Variants in RASGEF1B observed in about 807,000 individuals in gnomAD.
RASGEF1B encodes ras-GEF domain-containing family member 1B.
Under a neutral mutation model 65.7 loss-of-function variants are expected in RASGEF1B, and 30 were observed. That is an observed-to-expected ratio of 0.46 (90% CI 0.34 to 0.62). RASGEF1B has a LOEUF of 0.62. RASGEF1B is among the 20% of genes least tolerant of loss of function. The pLI, the probability that RASGEF1B is intolerant of heterozygous loss-of-function variation, is 0.01. For synonymous variants in RASGEF1B, 175 were observed against 194.8 expected (o/e 0.90, Z 0.85); for missense variants, 495 against 580.1 (o/e 0.85, Z 1.51).
intron 11 of RASGEF1B, among the ~76,000 whole-genome samples, 191 bp downstream of exon 11, chr4:81,434,448 A>G (rs1276024823): frequency 6.6e-6 from 1 of 152,194 alleles, no homozygotes; most frequent in Non-Finnish European, 1.5e-5. Context: ...AGATAGTAAT[A>G]ATCATCATCA....
At chr4:81,470,504 T>C (rs1470560268) in intron 1 of RASGEF1B, among the ~76,000 whole-genome samples, 1 of 152,118 alleles carries the variant, frequency 6.6e-6, no homozygotes, top group East Asian at 1.9e-4. Flanking sequence ...ATCCCTAGAC[T>C]CTTCCCCTTT....
At chr4:81,431,462 C>A (rs1721427079) in intron 13 of RASGEF1B, among the ~76,000 whole-genome samples, 2 of 151,934 alleles carry the variant, frequency 1.3e-5, no homozygotes, top group Admixed American at 6.6e-5. Context: ...ATACCTTATC[C>A]CTCATCACTG....
At chr4:81,442,228 A>T in intron 9 of RASGEF1B, 69 bp downstream of exon 9, 1 of 1,011,672 alleles carries the variant, frequency 9.9e-7, no homozygotes, top group South Asian at 1.3e-5. Context: ...GAGAGGCAAG[A>T]CCACATAAAG....
At chr4:81,461,159 G>A (rs1722629782) in intron 1 of RASGEF1B, among the ~76,000 whole-genome samples, 1 of 152,178 alleles carries the variant, frequency 6.6e-6, no homozygotes, top group Non-Finnish European at 1.5e-5. Context: ...AGGTTTCTAT[G>A]AGTACTACTC....
intron 1 of RASGEF1B, among the ~76,000 whole-genome samples, chr4:81,465,294 G>GTTCA (rs1261563542): frequency 6.6e-6 from 1 of 152,162 alleles, no homozygotes; most frequent in African/African-American, 2.4e-5. Context: ...ACAGACTCTG[G>GTTCA]TTTTAAAACA....
intron 1 of RASGEF1B, among the ~76,000 whole-genome samples, chr4:81,462,016 ACTT>A (rs1722664075): frequency 6.6e-6 from 1 of 152,196 alleles, no homozygotes; most frequent in South Asian, 2.1e-4. Flanking sequence ...AAGTATTTGC[ACTT>A]CTTAATTATT....
Position 81,434,622 on chromosome 4 carries a change from T to A in RASGEF1B, c.1200+17A>T, listed in dbSNP as rs759608429. On this transcript the variant is annotated intron_variant, in intron 11 of 13. Coordinates refer to ENST00000264400, the MANE Select transcript of RASGEF1B (RefSeq NM_152545.3). ...TCCTTGTGCTTGGATTTTTGTATCC[T>A]ACTTTATCACACTCACCTCAAAATT... The A allele has an allele frequency of 8.1e-6, 12 of 1,484,452 alleles. No homozygotes were observed. Among genetic ancestry groups the A allele is most frequent in the African/African-American group, 1.4e-5 (1 of 72,378 alleles). The allele number at this position is 1,484,452 out of a possible 1,614,324, so 92.0% of individuals were successfully genotyped here.
intron 2 of RASGEF1B, chr4:81,459,084 G>A (rs1722550993): frequency 5.6e-6 from 2 of 359,072 alleles, no homozygotes; most frequent in South Asian, 1.7e-4. Context: ...ACTTCATTTA[G>A]ATGGTATCAG....
intron 1 of RASGEF1B, among the ~76,000 whole-genome samples, chr4:81,466,813 A>G (rs560756107): frequency 6.7e-6 from 1 of 150,208 alleles, no homozygotes; most frequent in East Asian, 1.9e-4. Flanking sequence ...AAAGAAAGAA[A>G]GAAAGAAAGA....
At chr4:81,445,363 T>C (rs1052983315) in intron 8 of RASGEF1B, among the ~76,000 whole-genome samples, 163 bp downstream of exon 8, 1 of 152,222 alleles carries the variant, frequency 6.6e-6, no homozygotes, top group Admixed American at 6.5e-5. Context: ...ACACACATAC[T>C]TGCACTCATT....
chr4:81,468,436 T>C (rs534637938), intron 1 of RASGEF1B, among the ~76,000 whole-genome samples: 1 of 152,298 alleles, frequency 6.6e-6, no homozygotes, highest in East Asian at 1.9e-4. Context: ...CAGGGTTTCC[T>C]AATAAAGTTT....
rs562156239 is a variant in RASGEF1B at position 81,466,676 on chromosome 4, T to G, written c.-7+5094A>C. Among the ~76,000 whole-genome samples the G allele has an allele frequency of 2.0e-3, 305 of 150,066 alleles. 1 individual carries two copies. In the Middle Eastern group the frequency reaches 0.028, roughly 14 times the overall value. ...GGGGAGGCTGAGGCAGGAGAATTGTTTGAACCTGGAAGACAGAGGTTGCAG... is the reference window on the plus strand; with the variant it reads ...GGGGAGGCTGAGGCAGGAGAATTGTGTGAACCTGGAAGACAGAGGTTGCAG... On this transcript the variant is annotated intron_variant, in intron 1 of 13. Transcript: ENST00000264400.
At position 81,448,054 on chromosome 4, in the gene RASGEF1B, T is replaced by G; in HGVS notation, c.654+15A>C. ...AATCTGTGGTTGTAAAGGGCAATGA[T>G]GATAACGGCCTTACCAGCTCTATAT... is the stretch of plus-strand genomic sequence containing the variant. On this transcript the variant is annotated intron_variant, in intron 5 of 13. Transcript: ENST00000264400. 1 of 1,609,584 alleles carries G rather than the reference T, an allele frequency of 6.2e-7. No individual in the cohort carries two copies. The highest frequency in any genetic ancestry group is 1.3e-5 in the African/African-American group (1 of 74,964).
chr4:81,440,521 C>G (rs1177006956), intron 10 of RASGEF1B, among the ~76,000 whole-genome samples: 2 of 152,116 alleles, frequency 1.3e-5, no homozygotes, highest in Non-Finnish European at 2.9e-5. Flanking sequence ...TCCATTAAAC[C>G]ATTAAACTAA....
At chr4:81,439,740 A>G (rs1365972538) in intron 10 of RASGEF1B, among the ~76,000 whole-genome samples, 1 of 152,202 alleles carries the variant, frequency 6.6e-6, no homozygotes, top group Admixed American at 6.5e-5. Flanking sequence ...ATCTAATCAC[A>G]AGAGTACTGG....
intron 6 of RASGEF1B, among the ~76,000 whole-genome samples, chr4:81,446,286 A>G (rs59520729): frequency 0.22 from 33,832 of 152,078 alleles, 6,030 homozygotes; most frequent in African/African-American, 0.5. Context: ...TGAAGCAGGA[A>G]AATCGCTTGA....
At chr4:81,439,934 G>A (rs765605205) in intron 10 of RASGEF1B, among the ~76,000 whole-genome samples, 6 of 152,082 alleles carry the variant, frequency 3.9e-5, no homozygotes, top group Non-Finnish European at 5.9e-5. Context: ...AACCAAGTTC[G>A]CATTTATTAA....
chr4:81,467,305 A>C (rs1323262559), intron 1 of RASGEF1B, among the ~76,000 whole-genome samples: 1 of 152,186 alleles, frequency 6.6e-6, no homozygotes, highest in African/African-American at 2.4e-5. Context: ...ATTCTGACTC[A>C]AATAGTTTAC....
At chr4:81,459,847 A>G (rs1722580535) in intron 1 of RASGEF1B, among the ~76,000 whole-genome samples, 1 of 152,200 alleles carries the variant, frequency 6.6e-6, no homozygotes, top group African/African-American at 2.4e-5. Flanking sequence ...AAGGGAACTG[A>G]ACTTCTATTG....
Sources: gnomAD v4.1 joint callset for allele counts (sites outside exome capture counted in the v4.1 genomes callset) on GRCh38, gnomAD v4.1.1 for gene constraint, MANE v1.5 for transcripts, NCBI Gene and HGNC (gene_info 2026-07-23, HGNC 2026-07-21) for gene names.